Variants in NPY5R observed in about 807,000 individuals in gnomAD.
NPY5R encodes neuropeptide Y receptor Y5.
In NPY5R, 21 loss-of-function variants were observed where a neutral mutation model predicts 24.8. The ratio of observed to expected loss-of-function variants is 0.85; its 90% CI spans 0.60 to 1.22. NPY5R has a LOEUF of 1.22. Among genes scored for constraint, NPY5R ranks in the 50% most tolerant of loss-of-function variants. The pLI is 0.00. For missense variants in NPY5R, 481 were observed against 521.3 expected (o/e 0.92, Z 0.75); for synonymous variants, 175 against 183.0 (o/e 0.96, Z 0.35).
intron 1 of NPY5R, chr4:163,344,721 A>G (rs970660892): frequency 2.6e-5 from 4 of 152,284 alleles, no homozygotes; most frequent in African/African-American, 9.6e-5. Context: ...CCTTTAGTTA[A>G]TCTTTTAAAG....
chr4:163,351,637 GAAC>G lies in NPY5R; in HGVS notation c.*29_*31del. 1.3e-6 allele frequency: 2 copies of G among 1,518,792 alleles called. No individual in the cohort carries two copies. The highest frequency in any genetic ancestry group is 4.5e-5 in the East Asian group (2 of 44,038). 94.1% of individuals were successfully genotyped at this position (1,518,792 alleles called of 1,614,324 possible). A position where few individuals can be genotyped will look rare whatever the true frequency, so the allele number is the denominator to read the frequency against. On this transcript the variant is annotated 3_prime_UTR_variant, in exon 4 of 4. Transcript: ENST00000338566. ...TAATTCTCACTGTTTACCAAGGAAA[GAAC>G]AAATGCTGGGGTCATATAAAATATA...
downstream of NPY5R, among the ~76,000 whole-genome samples, chr4:163,352,307 A>G (rs1437701477): frequency 6.6e-6 from 1 of 152,180 alleles, no homozygotes; most frequent in Non-Finnish European, 1.5e-5. Flanking sequence ...ATTAAACACT[A>G]CCAATAAAAG....
intron 3 of NPY5R, among the ~76,000 whole-genome samples, chr4:163,348,496 GCACGTGCCTGTAGTCC>G (rs1263573205): frequency 1.6e-4 from 24 of 151,820 alleles, no homozygotes; most frequent in Non-Finnish European, 2.9e-4. Context: ...AGATGTAGTG[GCACGTGCCTGTAGTCC>G]CACGTGCCTG....
intron 3 of NPY5R, 140 bp from the exon 4 acceptor site, chr4:163,350,125 A>AT: frequency 2.6e-6 from 1 of 385,874 alleles, no homozygotes; most frequent in Non-Finnish European, 4.5e-6. Context: ...AAAAAAAAAA[A>AT]GATATCATAA....
At chr4:163,349,917 C>CCATCCTGGCTAA (rs1735406019) in intron 3 of NPY5R, among the ~76,000 whole-genome samples, 2 of 151,848 alleles carry the variant, frequency 1.3e-5, no homozygotes, top group Admixed American at 6.6e-5. Flanking sequence ...GAGATCGAGA[C>CCATCCTGGCTAA]CACGGTGAAA....
intron 3 of NPY5R, among the ~76,000 whole-genome samples, chr4:163,347,927 C>G (rs1006856862): frequency 2.6e-5 from 4 of 152,170 alleles, no homozygotes; most frequent in African/African-American, 9.7e-5. Context: ...CATAGAATCA[C>G]TTGTAGAAGT....
chr4:163,345,162 A>C (rs1427623625), intron 1 of NPY5R: 2 of 152,048 alleles, frequency 1.3e-5, no homozygotes, highest in Non-Finnish European at 2.9e-5. Flanking sequence ...AAAATTATTC[A>C]AACAAAGAAA....
Position 163,351,226 on chromosome 4 carries a change from C to T in NPY5R, c.953C>T (p.Ser318Phe). 6.2e-7 allele frequency: 1 copy of T among 1,614,136 alleles called. No homozygotes were observed. The highest frequency in any genetic ancestry group is 1.3e-5 in the African/African-American group (1 of 75,050). The change falls in exon 4 of 4, where the codon TCT (serine) becomes TTT (phenylalanine). Residue 318 changes from serine (S) to phenylalanine (F), a missense_variant. Coordinates refer to ENST00000338566, the MANE Select transcript of NPY5R (RefSeq NM_006174.4). ...HSRILPENFGSVRSQLSSSSK... is the reference protein window; with the variant it reads ...HSRILPENFGFVRSQLSSSSK... ...AGAATACTTCCAGAAAACTTTGGCT[C>T]TGTAAGAAGTCAGCTCTCTTCATCC... is the stretch of plus-strand genomic sequence containing the variant.
intron 1 of NPY5R, chr4:163,344,643 C>G (rs890469271): frequency 6.6e-6 from 1 of 152,236 alleles, no homozygotes; most frequent in Non-Finnish European, 1.5e-5. Flanking sequence ...ATAACAAATG[C>G]GAGCAATAAC....
intron 3 of NPY5R, among the ~76,000 whole-genome samples, chr4:163,348,869 C>T (rs1191206164): frequency 6.6e-6 from 1 of 152,124 alleles, no homozygotes; most frequent in Admixed American, 6.5e-5. Context: ...ATTAATATCA[C>T]TGCTACATTT....
chr4:163,345,416 G>A (rs932487144), intron 1 of NPY5R: 3 of 152,120 alleles, frequency 2.0e-5, no homozygotes, highest in African/African-American at 7.2e-5. Context: ...TTTTTACTCA[G>A]AGATTAAAGT....
intron 1 of NPY5R, chr4:163,344,955 G>A (rs1312209576): frequency 6.6e-6 from 1 of 152,170 alleles, no homozygotes; most frequent in Non-Finnish European, 1.5e-5. Flanking sequence ...AATTCAAATT[G>A]TGCCAGATTC....
chr4:163,351,300 G>C lies in NPY5R; in HGVS notation c.1027G>C (p.Glu343Gln). Residue 343 changes from glutamate (E) to glutamine (Q), a missense_variant, in exon 4 of 4, where the codon GAA (glutamate) becomes CAA (glutamine). Coordinates refer to ENST00000338566, the MANE Select transcript of NPY5R (RefSeq NM_006174.4). ...CACTTGCTTTGAGATAAAACCTGAAGAAAATTCAGATGTTCATGAATTGAG... is the reference window on the plus strand; with the variant it reads ...CACTTGCTTTGAGATAAAACCTGAACAAAATTCAGATGTTCATGAATTGAG... ...VPTCFEIKPE[E>Q]NSDVHELRVK... 2.5e-6 allele frequency: 4 copies of C among 1,613,364 alleles called. No homozygotes were observed. The highest frequency in any genetic ancestry group is 3.4e-6 in the Non-Finnish European group (4 of 1,179,386).
At chr4:163,348,852 G>A (rs1174704229) in intron 3 of NPY5R, among the ~76,000 whole-genome samples, 6 of 151,988 alleles carry the variant, frequency 3.9e-5, no homozygotes, top group Admixed American at 3.3e-4. Flanking sequence ...TTATTACCGG[G>A]AGTTATATTA....
chr4:163,348,083 A>C (rs1735324397), intron 3 of NPY5R, among the ~76,000 whole-genome samples: 1 of 152,212 alleles, frequency 6.6e-6, no homozygotes, highest in Admixed American at 6.5e-5. Flanking sequence ...TTATTGAACG[A>C]AGACCTGCAG....
In NPY5R at chr4:163,350,449, A is replaced by T; in HGVS notation, c.176A>T (p.Asn59Ile). Residue 59 changes from asparagine (N) to isoleucine (I), a missense_variant, in exon 4 of 4, where the codon AAT becomes ATT. By Grantham distance (149) the Asn-to-Ile change is moderately radical (BLOSUM62 -3). Transcript: ENST00000338566. ...GTAAGTCTTCTTGGCTTTATGGGGA[A>T]TCTACTTATTTTAATGGCTCTCATG... ...TFVSLLGFMG[N>I]LLILMALMKK... 1 of 1,613,898 alleles carries T rather than the reference A, an allele frequency of 6.2e-7. No individual in the cohort carries two copies. The highest frequency in any genetic ancestry group is 8.5e-7 in the Non-Finnish European group (1 of 1,179,824).
Position 163,350,692 on chromosome 4 carries a change from A to G in NPY5R, c.419A>G (p.Tyr140Cys). ...TTAATATCAATTGCCATTGTCAGGT[A>G]TCATATGATAAAACATCCCATATCT... Reference protein sequence around the residue: ...LILISIAIVRYHMIKHPISNN... With the variant: ...LILISIAIVRCHMIKHPISNN... Residue 140 changes from tyrosine to cysteine, a missense_variant, in exon 4 of 4, where the codon TAT becomes TGT. Coordinates refer to ENST00000338566, the MANE Select transcript of NPY5R (RefSeq NM_006174.4). 1 of 1,613,882 alleles carries G rather than the reference A, an allele frequency of 6.2e-7. No individual in the cohort carries two copies. The highest frequency in any genetic ancestry group is 1.1e-5 in the South Asian group (1 of 91,078).
At chr4:163,348,699 G>A (rs1334122028) in intron 3 of NPY5R, among the ~76,000 whole-genome samples, 1 of 151,392 alleles carries the variant, frequency 6.6e-6, no homozygotes, top group Admixed American at 6.6e-5. Flanking sequence ...TTAAACGAGA[G>A]GAGGGAGTCC....
chr4:163,344,904 C>T (rs1001441794), intron 1 of NPY5R: 12 of 152,156 alleles, frequency 7.9e-5, no homozygotes, highest in African/African-American at 2.7e-4. Flanking sequence ...TGGTGCATGC[C>T]TGTGTGTTTG....
Sources: gnomAD v4.1 joint callset for allele counts (sites outside exome capture counted in the v4.1 genomes callset) on GRCh38, gnomAD v4.1.1 for gene constraint, MANE v1.5 for transcripts, NCBI Gene and HGNC (gene_info 2026-07-23, HGNC 2026-07-21) for gene names.